RBFOX1: variants seen among roughly 807,000 people sequenced by gnomAD.
RBFOX1 encodes RNA binding fox-1 homolog 1, also known as RNA binding protein fox-1 homolog 1.
A neutral mutation model predicts 57.7 loss-of-function variants in RBFOX1; 8 were observed. That is an observed-to-expected ratio of 0.14 (90% CI 0.08 to 0.25). The LOEUF (loss-of-function observed/expected upper bound fraction) is 0.25. Ranked by LOEUF, RBFOX1 falls within the 10% of genes least tolerant of loss-of-function variation. The pLI is 1.00. For synonymous variants in RBFOX1, 326 were observed against 222.4 expected, an observed-to-expected ratio of 1.47 and a Z score of -4.15; for missense variants, 611 against 548.5, an observed-to-expected ratio of 1.11 and a Z score of -1.14.
intron 4 of RBFOX1, among the ~76,000 whole-genome samples, chr16:7,204,842 C>G (rs2089581635): frequency 6.6e-6 from 1 of 152,162 alleles, no homozygotes; most frequent in Non-Finnish European, 1.5e-5. Flanking sequence ...CGCACAGTTT[C>G]TGGCATTCGC....
intron 1 of RBFOX1, among the ~76,000 whole-genome samples, chr16:6,168,362 G>C (rs964821674): frequency 9.9e-5 from 15 of 152,142 alleles, no homozygotes; most frequent in Admixed American, 4.6e-4. Context: ...TCTAGCTTAA[G>C]TATGAACAGC....
Position 6,810,064 on chromosome 16 carries a change from C to G in RBFOX1, c.-16+155414C>G, listed in dbSNP as rs1276078292. On this transcript the variant is annotated intron_variant, in intron 3 of 15. Coordinates refer to ENST00000550418, the MANE Select transcript of RBFOX1 (RefSeq NM_018723.4). The stretch of plus-strand genomic sequence containing the variant: ...TTTCTGTTAATAAGTAGACAATGCT[C>G]TGGTCTGATGGGGTCTCAGGAAGGA... 2.0e-5 allele frequency among the ~76,000 whole-genome samples: 3 copies of G among 148,846 alleles called. No individual in the cohort carries two copies. In the Admixed American group the frequency reaches 2.0e-4, roughly 10 times the overall value.
chr16:7,113,230 G>T (rs1357768595), intron 4 of RBFOX1, among the ~76,000 whole-genome samples: 1 of 152,168 alleles, frequency 6.6e-6, no homozygotes, highest in Non-Finnish European at 1.5e-5. Context: ...ATATTCTGTG[G>T]AGTTGATTTG....
chr16:6,168,841 C>G (rs2096937279), intron 1 of RBFOX1, among the ~76,000 whole-genome samples: 1 of 151,440 alleles, frequency 6.6e-6, no homozygotes. Flanking sequence ...TAAACACTCT[C>G]CCAGTGGATT....
intron 1 of RBFOX1, among the ~76,000 whole-genome samples, chr16:6,150,842 C>G (rs2152723629): frequency 6.6e-6 from 1 of 152,260 alleles, no homozygotes; most frequent in African/African-American, 2.4e-5. Flanking sequence ...TTTTCCTCAC[C>G]TGAGACCATT....
intron 4 of RBFOX1, among the ~76,000 whole-genome samples, chr16:5,911,511 A>G (rs1206786582): frequency 2.0e-5 from 3 of 152,202 alleles, no homozygotes; most frequent in African/African-American, 7.2e-5. Flanking sequence ...CTCGGCTGTA[A>G]AAGAGCTGGT....
At chr16:5,496,643 A>G (rs2043011884) in intron 2 of RBFOX1, among the ~76,000 whole-genome samples, 1 of 152,168 alleles carries the variant, frequency 6.6e-6, no homozygotes. Context: ...AACGCCCAAT[A>G]AACGAGGGAG....
intron 4 of RBFOX1, among the ~76,000 whole-genome samples, chr16:7,255,875 A>T (rs28616286): frequency 6.6e-6 from 1 of 152,220 alleles, no homozygotes; most frequent in South Asian, 2.1e-4. Flanking sequence ...CATGTGTTCA[A>T]TAGCCACATA....
chr16:7,500,451 C>T (rs2070359722), intron 4 of RBFOX1, among the ~76,000 whole-genome samples: 1 of 152,126 alleles, frequency 6.6e-6, no homozygotes, highest in Admixed American at 6.5e-5. Flanking sequence ...TGTCCATATT[C>T]AGTTTTCTTA....
intron 2 of RBFOX1, among the ~76,000 whole-genome samples, chr16:6,557,970 C>G (rs1432128605): frequency 1.3e-5 from 2 of 152,158 alleles, no homozygotes; most frequent in East Asian, 3.9e-4. Context: ...TTGCCACAAC[C>G]TCATTTTTGC....
chr16:5,870,271 A>C (rs147372948), intron 4 of RBFOX1, among the ~76,000 whole-genome samples: 2 of 151,286 alleles, frequency 1.3e-5, no homozygotes, highest in Non-Finnish European at 2.9e-5. Flanking sequence ...GGAATGTCCA[A>C]CACTCTCATC....
intron 2 of RBFOX1, among the ~76,000 whole-genome samples, chr16:6,633,782 G>A (rs969082153): frequency 2.6e-5 from 4 of 152,148 alleles, no homozygotes; most frequent in Non-Finnish European, 5.9e-5. Flanking sequence ...GCTGAGGCAG[G>A]AAGATCACTT....
At chr16:7,446,198 C>A (rs1274010608) in intron 4 of RBFOX1, among the ~76,000 whole-genome samples, 1 of 152,130 alleles carries the variant, frequency 6.6e-6, no homozygotes, top group Non-Finnish European at 1.5e-5. Context: ...CAGCAGTTCT[C>A]CTGGTTATTA....
rs540196729 is a variant in RBFOX1 at position 6,633,937 on chromosome 16, G to A, written c.-63-20666G>A. Among the ~76,000 whole-genome samples, 4 of 152,204 alleles carry A rather than the reference G, an allele frequency of 2.6e-5. No homozygotes were observed. In the South Asian group the frequency reaches 8.3e-4, roughly 32 times the overall value. On this transcript the variant is annotated intron_variant, in intron 2 of 15. Transcript: ENST00000550418. ...GAGGTAGGTGGGAGGATTGCTTGAG[G>A]CCAGGGGGTGGAGGCTACCATAAGC...
At chr16:6,860,396 C>G (rs887813709) in intron 3 of RBFOX1, among the ~76,000 whole-genome samples, 1 of 152,208 alleles carries the variant, frequency 6.6e-6, no homozygotes, top group Non-Finnish European at 1.5e-5. Context: ...CTCTTCAAAT[C>G]TGCAAGTCTT....
chr16:5,447,840 C>T (rs1158510534), intron 1 of RBFOX1, among the ~76,000 whole-genome samples: 3 of 152,220 alleles, frequency 2.0e-5, no homozygotes, highest in Non-Finnish European at 4.4e-5. Flanking sequence ...CATGGATACC[C>T]ATGGCCGAAA....
chr16:5,390,234 A>G (rs1277877803), intron 1 of RBFOX1, among the ~76,000 whole-genome samples: 1 of 151,986 alleles, frequency 6.6e-6, no homozygotes, highest in Non-Finnish European at 1.5e-5. Context: ...GCTATTTTAT[A>G]AAATATATAT....
At chr16:6,839,674 T>G (rs35450617) in intron 3 of RBFOX1, among the ~76,000 whole-genome samples, 59,692 of 151,676 alleles carry the variant, frequency 0.39, 13,078 homozygotes, top group East Asian at 0.72. Flanking sequence ...TCTCCTATTT[T>G]TAATTAAGAT....
chr16:6,267,879 A>G (rs1310889935), intron 1 of RBFOX1, among the ~76,000 whole-genome samples: 1 of 152,174 alleles, frequency 6.6e-6, no homozygotes, highest in Non-Finnish European at 1.5e-5. Flanking sequence ...AAAGCTTTAA[A>G]TGGGCTATTA....
Sources: gnomAD v4.1 joint callset for allele counts (sites outside exome capture counted in the v4.1 genomes callset) on GRCh38, gnomAD v4.1.1 for gene constraint, MANE v1.5 for transcripts, NCBI Gene and HGNC (gene_info 2026-07-23, HGNC 2026-07-21) for gene names.